SEPTIN14: variants seen among roughly 807,000 people sequenced by gnomAD.
The protein encoded by SEPTIN14 is septin 14, also known as septin-14.
SEPTIN14 carries 40 observed loss-of-function variants against 53.6 expected under a neutral mutation model. The observed-to-expected ratio is 0.75, with a 90% confidence interval of 0.58 to 0.97. The LOEUF (loss-of-function observed/expected upper bound fraction) is 0.97, where lower values mean the gene tolerates loss of function less well. Among genes scored for constraint, SEPTIN14 ranks in the 50% least tolerant of loss-of-function variants. SEPTIN14 has a pLI of 0.00. For missense variants in SEPTIN14, 471 were observed against 508.2 expected, an observed-to-expected ratio of 0.93 and a Z score of 0.70; for synonymous variants, 138 against 166.8, an observed-to-expected ratio of 0.83 and a Z score of 1.33.
chr7:55,806,901 G>A lies in SEPTIN14; in HGVS notation c.986+189C>T, dbSNP rs183591740. Among the ~76,000 whole-genome samples, 71 of 152,116 alleles carry A rather than the reference G, an allele frequency of 4.7e-4. 2 individuals carry two copies. The East Asian group carries it at 0.012, about 26-fold the overall frequency. On this transcript the variant is annotated intron_variant, in intron 8 of 9. Coordinates refer to ENST00000388975, the MANE Select transcript of SEPTIN14 (RefSeq NM_207366.3). ...TATTTCAGCATAAAAATGAGATCTC[G>A]CATTATATTGTTCCTACTATCTCTA...
At chr7:55,805,425 A>T in intron 8 of SEPTIN14, 35 bp from the exon 9 acceptor site, 1 of 1,488,674 alleles carries the variant, frequency 6.7e-7, no homozygotes, top group Non-Finnish European at 9.0e-7. Context: ...TTATATTAAA[A>T]TGAGGTAGGA....
chr7:55,817,932 A>G (rs1467510713), intron 7 of SEPTIN14, among the ~76,000 whole-genome samples: 5 of 152,132 alleles, frequency 3.3e-5, no homozygotes, highest in African/African-American at 4.8e-5. Flanking sequence ...TTATTTGTCA[A>G]TTAAGATTAA....
At chr7:55,844,068 T>A (rs1351937649) in intron 4 of SEPTIN14, among the ~76,000 whole-genome samples, 2 of 151,872 alleles carry the variant, frequency 1.3e-5, no homozygotes, top group African/African-American at 4.8e-5. Flanking sequence ...GCCTGGGAGG[T>A]CGAAGCTGCA....
intron 6 of SEPTIN14, among the ~76,000 whole-genome samples, chr7:55,819,708 C>T (rs1479468289): frequency 6.6e-6 from 1 of 150,868 alleles, no homozygotes; most frequent in Non-Finnish European, 1.5e-5. Flanking sequence ...CAGCATAAGT[C>T]TCAGGCTGTG....
chr7:55,812,005 C>T (rs1457793539), intron 7 of SEPTIN14, among the ~76,000 whole-genome samples: 5 of 152,088 alleles, frequency 3.3e-5, no homozygotes, highest in South Asian at 2.1e-4. Flanking sequence ...ATGTGGGCCA[C>T]GCTGGTCTCA....
At chr7:55,799,565 T>C (rs4510809) in intron 9 of SEPTIN14, among the ~76,000 whole-genome samples, 88,411 of 145,394 alleles carry the variant, frequency 0.61, 29,333 homozygotes, top group African/African-American at 0.88. Context: ...AGATATTCCA[T>C]GCAAATTATA....
chr7:55,850,567 T>C (rs1789500102), intron 2 of SEPTIN14, among the ~76,000 whole-genome samples: 1 of 152,184 alleles, frequency 6.6e-6, no homozygotes, highest in African/African-American at 2.4e-5. Flanking sequence ...GCAAAAATTC[T>C]TTTTTACTAC....
At position 55,795,860 on chromosome 7, in the gene SEPTIN14, A is replaced by G; in HGVS notation, c.*53T>C. 7.9e-7 allele frequency: 1 copy of G among 1,267,338 alleles called. No individual in the cohort carries two copies. The highest frequency in any genetic ancestry group is 1.1e-6 in the Non-Finnish European group (1 of 886,910). The allele number at this position is 1,267,338 out of a possible 1,614,324, so 78.5% of individuals were successfully genotyped here. ...AGTTAAATGCTACAAAGACAATCTC[A>G]CAGGAAGTTGCGATGTAGAATGATA... On this transcript the variant is annotated 3_prime_UTR_variant, in exon 10 of 10. Coordinates refer to ENST00000388975, the MANE Select transcript of SEPTIN14 (RefSeq NM_207366.3).
At chr7:55,843,151 A>T (rs1187559823) in intron 4 of SEPTIN14, 23 bp from the exon 5 acceptor site, 1 of 1,442,606 alleles carries the variant, frequency 6.9e-7, no homozygotes, top group South Asian at 1.4e-5. Flanking sequence ...TTATACATTT[A>T]GCATAACAGA....
At chr7:55,803,630 T>G (rs1450019134) in intron 9 of SEPTIN14, among the ~76,000 whole-genome samples, 1 of 152,104 alleles carries the variant, frequency 6.6e-6, no homozygotes, top group Non-Finnish European at 1.5e-5. Flanking sequence ...TATTGCAGCA[T>G]TAATTGACAA....
chr7:55,846,598 G>T lies in SEPTIN14; in HGVS notation c.94C>A (p.His32Asn). ...NNIRCLTTIG[H>N]FGFECLPNQL... ...TTGGGCAAACATTCAAAACCAAAAT[G>T]TCCAATCGTAGTTAAACAACGAATA... Residue 32 changes from histidine to asparagine, a missense_variant, in exon 3 of 10, where the codon CAT (histidine) becomes AAT (asparagine). Coordinates refer to ENST00000388975, the MANE Select transcript of SEPTIN14 (RefSeq NM_207366.3). The T allele has an allele frequency of 6.6e-7, 1 of 1,516,000 alleles. No homozygotes were observed. Among genetic ancestry groups the T allele is most frequent in the Non-Finnish European group, 9.1e-7 (1 of 1,095,016 alleles). The allele number at this position is 1,516,000 out of a possible 1,614,324, so 93.9% of individuals were successfully genotyped here.
intron 2 of SEPTIN14, among the ~76,000 whole-genome samples, chr7:55,855,520 C>T (rs1040510856): frequency 6.6e-6 from 1 of 152,020 alleles, no homozygotes; most frequent in Non-Finnish European, 1.5e-5. Flanking sequence ...AAAGTATGAG[C>T]CATAAAGAGG....
chr7:55,843,222 A>C (rs2116051000), intron 4 of SEPTIN14, 94 bp from the exon 5 acceptor site: 1 of 636,074 alleles, frequency 1.6e-6, no homozygotes, highest in Non-Finnish European at 2.6e-6. Context: ...GTATGTAAGC[A>C]GTTTGCTATA....
intron 7 of SEPTIN14, chr7:55,810,854 G>T: frequency 6.5e-6 from 2 of 308,608 alleles, no homozygotes; most frequent in South Asian, 3.0e-5. Flanking sequence ...AGTCAAACCT[G>T]GGTGTCAGGC....
At chr7:55,854,975 G>A (rs1789588911) in intron 2 of SEPTIN14, among the ~76,000 whole-genome samples, 1 of 149,308 alleles carries the variant, frequency 6.7e-6, no homozygotes, top group East Asian at 1.9e-4. Context: ...AATACTATAG[G>A]AATAAAATAA....
chr7:55,857,313 A>C (rs1221962743), intron 2 of SEPTIN14, among the ~76,000 whole-genome samples: 1 of 150,780 alleles, frequency 6.6e-6, no homozygotes, highest in African/African-American at 2.4e-5. Context: ...CAGAGGCTGC[A>C]GTGAGCCAAG....
intron 2 of SEPTIN14, among the ~76,000 whole-genome samples, chr7:55,857,490 G>GAGGGAAGGGAAGGGAAGGGAAGGGA (rs1214849802): frequency 1.4e-5 from 1 of 71,446 alleles, no homozygotes; most frequent in Non-Finnish European, 2.4e-5. Flanking sequence ...GAGGGGAGGG[G>GAGGGAAGGGAAGGGAAGGGAAGGGA]AGGGAAGGGA....
intron 2 of SEPTIN14, among the ~76,000 whole-genome samples, chr7:55,859,282 G>A (rs903110097): frequency 6.6e-6 from 1 of 151,984 alleles, no homozygotes; most frequent in African/African-American, 2.4e-5. Context: ...TTTTGGTATA[G>A]TATAAGATAA....
At chr7:55,857,830 G>A (rs567430873) in intron 2 of SEPTIN14, among the ~76,000 whole-genome samples, 3 of 151,566 alleles carry the variant, frequency 2.0e-5, no homozygotes, top group African/African-American at 7.3e-5. Flanking sequence ...CTCGTGATCC[G>A]CCCGCCTCGG....
Sources: allele counts gnomAD v4.1 joint callset (sites outside exome capture counted in the v4.1 genomes callset), GRCh38; gene constraint gnomAD v4.1.1; transcripts MANE v1.5; gene names NCBI Gene and HGNC (gene_info 2026-07-23, HGNC 2026-07-21).